Variants in CREBBP observed in about 807,000 individuals in gnomAD.
The protein encoded by CREBBP is CREB binding lysine acetyltransferase.
A neutral mutation model predicts 265.0 loss-of-function variants in CREBBP; 19 were observed. The observed-to-expected ratio is 0.07, with a 90% CI of 0.05 to 0.11. The LOEUF (loss-of-function observed/expected upper bound fraction) is 0.11. CREBBP is among the 10% of genes least tolerant of loss of function. The pLI is 1.00. For missense variants in CREBBP, 2,525 were observed against 3,219.0 expected, an observed-to-expected ratio of 0.78 and a Z score of 5.22; for synonymous variants, 1,457 against 1,223.7, an observed-to-expected ratio of 1.19 and a Z score of -3.98.
rs372981734 is a variant in CREBBP, at chr16:3,770,629, T to G, written c.2821A>C (p.Thr941Pro). The G allele has an allele frequency of 1.2e-6, 2 of 1,613,844 alleles. No individual in the cohort carries two copies. The highest frequency in any genetic ancestry group is 2.2e-5 in the East Asian group (1 of 44,874). Residue 941 changes from threonine to proline, a missense_variant, in exon 14 of 31, where the codon ACC becomes CCC. Transcript: ENST00000262367. ...GGCTGTTGCTGCGATGACTGAGGGG[T>G]AGCCACAGACGGGGGCTGAACTGGG... ...QTPVQPPSVATPQSSQQQPTP... is the reference protein window; with the variant it reads ...QTPVQPPSVAPPQSSQQQPTP...
intron 1 of CREBBP, among the ~76,000 whole-genome samples, chr16:3,864,558 G>A (rs994609486): frequency 6.6e-6 from 1 of 152,134 alleles, no homozygotes; most frequent in African/African-American, 2.4e-5. Flanking sequence ...TGAGGTGGGA[G>A]GACTGCTTGA....
intron 17 of CREBBP, 96 bp from the exon 18 acceptor site, chr16:3,758,144 A>T (rs2052630864): frequency 1.4e-5 from 19 of 1,326,986 alleles, no homozygotes; most frequent in Non-Finnish European, 1.8e-5. Context: ...TAGAAACAGA[A>T]AGCACCAAAA....
chr16:3,879,444 C>A (rs2055475331), intron 1 of CREBBP, among the ~76,000 whole-genome samples: 1 of 152,232 alleles, frequency 6.6e-6, no homozygotes, highest in South Asian at 2.1e-4. Context: ...CTTGCTTTCT[C>A]TAAGCATCAA....
At chr16:3,831,657 C>T (rs188470075) in intron 2 of CREBBP, among the ~76,000 whole-genome samples, 1 of 152,112 alleles carries the variant, frequency 6.6e-6, no homozygotes, top group East Asian at 1.9e-4. Context: ...GAGAGAAAAA[C>T]AAGAGAGCAC....
intron 2 of CREBBP, among the ~76,000 whole-genome samples, chr16:3,835,618 C>T (rs939922874): frequency 2.3e-5 from 3 of 133,172 alleles, no homozygotes; most frequent in African/African-American, 5.9e-5. Context: ...CTTGCTCTGT[C>T]GCCTAGGCTG....
chr16:3,754,827 A>C (rs1200032416), intron 19 of CREBBP, among the ~76,000 whole-genome samples: 1 of 152,198 alleles, frequency 6.6e-6, no homozygotes, highest in Non-Finnish European at 1.5e-5. Flanking sequence ...TTATTGTTCT[A>C]AGTGCCCAGT....
chr16:3,857,514 C>T (rs7201691), intron 1 of CREBBP, among the ~76,000 whole-genome samples: 6,245 of 152,266 alleles, frequency 0.041, 399 homozygotes, highest in African/African-American at 0.14. Context: ...GATATTGCAA[C>T]ACAACACAGC....
chr16:3,802,605 T>A (rs558578681), intron 3 of CREBBP, among the ~76,000 whole-genome samples: 53 of 152,116 alleles, frequency 3.5e-4, no homozygotes, highest in Non-Finnish European at 7.6e-4. Context: ...TATCCTCACA[T>A]TCCTCACAAA....
chr16:3,740,005 T>C (rs1447358960), intron 24 of CREBBP, among the ~76,000 whole-genome samples: 1 of 152,150 alleles, frequency 6.6e-6, no homozygotes, highest in Non-Finnish European at 1.5e-5. Context: ...ATCCACGGGG[T>C]GTATGTTCCA....
intron 7 of CREBBP, 113 bp from the exon 8 acceptor site, chr16:3,780,991 G>T: frequency 1.6e-6 from 2 of 1,221,512 alleles, no homozygotes; most frequent in Non-Finnish European, 1.2e-6. Context: ...AGTCAGGAGA[G>T]CCAAGTGATG....
Position 3,736,195 on chromosome 16 carries a change from G to A in CREBBP, c.4569C>T (p.Phe1523=), listed in dbSNP as rs965076721. 6 of 1,614,122 alleles carry A rather than the reference G, an allele frequency of 3.7e-6. No individual in the cohort carries two copies. The highest frequency in any genetic ancestry group is 5.1e-6 in the Non-Finnish European group (6 of 1,180,046). Residue 1523 remains phenylalanine (F), a synonymous_variant, in exon 28 of 31, where the codon TTC becomes TTT. Coordinates refer to ENST00000262367, the MANE Select transcript of CREBBP (RefSeq NM_004380.3). The part of the protein sequence containing the change: ...ERIIHDYKDI[F]KQATEDRLTS... ...TGAGCCTGTCTTCAGTTGCTTGTTTGAAAATATCCTGAGTGGGCAAAGCAC... is the reference window on the plus strand; with the variant it reads ...TGAGCCTGTCTTCAGTTGCTTGTTTAAAAATATCCTGAGTGGGCAAAGCAC...
intron 1 of CREBBP, among the ~76,000 whole-genome samples, chr16:3,879,050 A>C (rs2055462636): frequency 6.6e-6 from 1 of 151,628 alleles, no homozygotes; most frequent in South Asian, 2.1e-4. Context: ...GTACATCTAC[A>C]CTGTGAAAGC....
rs2141200995 is a variant in CREBBP at position 3,770,726 on chromosome 16, A to T, written c.2724T>A (p.Ser908Arg). Residue 908 changes from serine to arginine, a missense_variant, in exon 14 of 31, where the codon AGT becomes AGA. Physicochemically the swap from Ser to Arg is moderately radical, Grantham distance 110. Around this residue, in one of 19 missense-constraint regions of CREBBP, gnomAD observed 548 missense variants for 533.0 expected, o/e 1.03. Transcript: ENST00000262367. ...TAGGGGTGCTCTGGGTTTGGGTAGCACTGGGCACTGAGCCAGGAGTCGGGG... is the reference window on the plus strand; with the variant it reads ...TAGGGGTGCTCTGGGTTTGGGTAGCTCTGGGCACTGAGCCAGGAGTCGGGG... ...TPTPTPGSVP[S>R]ATQTQSTPTV... is the part of the protein sequence containing the mutation. 1 of 1,614,068 alleles carries T rather than the reference A, an allele frequency of 6.2e-7. No individual in the cohort carries two copies. Among genetic ancestry groups the T allele is most frequent in the Non-Finnish European group, 8.5e-7 (1 of 1,180,006 alleles).
chr16:3,753,638 G>C (rs1392740526), intron 19 of CREBBP, among the ~76,000 whole-genome samples: 1 of 151,868 alleles, frequency 6.6e-6, no homozygotes, highest in Non-Finnish European at 1.5e-5. Context: ...GTATGAAGAA[G>C]AACTTCCGTG....
chr16:3,875,485 C>G (rs906012539), intron 1 of CREBBP, among the ~76,000 whole-genome samples: 8 of 152,090 alleles, frequency 5.3e-5, no homozygotes, highest in Non-Finnish European at 1.2e-4. Context: ...ACACCAGAAC[C>G]AGAGGGAAAA....
chr16:3,740,875 C>T (rs1351707743), intron 23 of CREBBP: 1 of 390,056 alleles, frequency 2.6e-6, no homozygotes, highest in Non-Finnish European at 4.9e-6. Flanking sequence ...TGGATGTTTC[C>T]CTGTTGCTTC....
intron 2 of CREBBP, among the ~76,000 whole-genome samples, chr16:3,839,237 G>C (rs1269470858): frequency 6.6e-6 from 1 of 152,216 alleles, no homozygotes; most frequent in Non-Finnish European, 1.5e-5. Context: ...GCCCACGCCA[G>C]GCTTGAAAGC....
At chr16:3,767,968 C>G (rs2141184560) in intron 15 of CREBBP, 59 bp from the exon 16 acceptor site, 1 of 1,530,736 alleles carries the variant, frequency 6.5e-7, no homozygotes, top group Non-Finnish European at 9.0e-7. Context: ...TTACCGCAAC[C>G]TCACGGGAAG....
intron 2 of CREBBP, among the ~76,000 whole-genome samples, chr16:3,835,578 T>TC (rs967794245): frequency 1.1e-4 from 16 of 143,112 alleles, no homozygotes; most frequent in African/African-American, 3.6e-4. Context: ...GATTTCTTCT[T>TC]TTTTTTTTTT....
Sources: allele counts gnomAD v4.1 joint callset (sites outside exome capture counted in the v4.1 genomes callset), GRCh38; gene constraint gnomAD v4.1.1; regional missense constraint gnomAD v4.1.1; transcripts MANE v1.5; gene names NCBI Gene and HGNC (gene_info 2026-07-23, HGNC 2026-07-21).